Variants in SLIT1 observed in about 807,000 individuals in gnomAD.
SLIT1 encodes the protein slit guidance ligand 1.
In SLIT1, 66 loss-of-function variants were observed where a neutral mutation model predicts 186.1. That is an observed-to-expected ratio of 0.35 (90% CI 0.29 to 0.44). SLIT1 has a LOEUF of 0.44. Among genes scored for constraint, SLIT1 ranks in the 20% least tolerant of loss-of-function variants. SLIT1 has a pLI of 1.00. For synonymous variants in SLIT1, 761 were observed against 833.8 expected (o/e 0.91, Z 1.50); for missense variants, 1,638 against 2,037.4 (o/e 0.80, Z 3.77).
chr10:97,126,364 T>C (rs762267170), intron 4 of SLIT1, among the ~76,000 whole-genome samples: 1 of 152,122 alleles, frequency 6.6e-6, no homozygotes, highest in Non-Finnish European at 1.5e-5. Context: ...CCCACTGCTT[T>C]TTAGAGTAAC....
At chr10:97,059,423 C>A (rs749894396) in intron 11 of SLIT1, 37 bp downstream of exon 11, 1 of 1,575,532 alleles carries the variant, frequency 6.3e-7, no homozygotes, top group African/African-American at 1.3e-5. Flanking sequence ...CAGGGGATGC[C>A]CTGGGCCACT....
Position 97,019,087 on chromosome 10 carries a change from G to A in SLIT1, c.2767C>T (p.Gln923Ter). The change falls in exon 27 of 37, where the codon CAG becomes TAG. Residue 923 changes from glutamine to a stop codon, truncating the protein, a stop_gained. Transcript: ENST00000266058. LOFTEE classifies it high-confidence loss of function. ...GACAAGCAGAGATCACACTTGGCCT[G>A]GACAGCCAGCGTTGGAGGACCTGCA... ...ECQGPPTLAV[Q>*]AKCDLCLSSP... is the part of the protein sequence containing the mutation. 6.2e-7 allele frequency: 1 copy of A among 1,613,730 alleles called. No individual in the cohort carries two copies. Among genetic ancestry groups the A allele is most frequent in the Non-Finnish European group, 8.5e-7 (1 of 1,179,728 alleles).
intron 1 of SLIT1, among the ~76,000 whole-genome samples, chr10:97,182,863 C>T (rs1051477156): frequency 5.9e-5 from 9 of 152,186 alleles, no homozygotes; most frequent in African/African-American, 9.6e-5. Context: ...CTTATGCTCA[C>T]GCCTGTAATC....
chr10:97,148,341 T>C (rs1284712390), intron 4 of SLIT1, among the ~76,000 whole-genome samples: 1 of 151,454 alleles, frequency 6.6e-6, no homozygotes, highest in Non-Finnish European at 1.5e-5. Context: ...CAGACTGGAG[T>C]GCAGTGGCAC....
intron 25 of SLIT1, among the ~76,000 whole-genome samples, 195 bp downstream of exon 25, chr10:97,030,562 G>T (rs1341873539): frequency 2.6e-5 from 4 of 152,210 alleles, no homozygotes; most frequent in Non-Finnish European, 5.9e-5. Context: ...GCGAGGAACT[G>T]TTCTTCTACT....
chr10:97,041,789 A>G (rs1848693065), intron 20 of SLIT1, among the ~76,000 whole-genome samples: 2 of 152,076 alleles, frequency 1.3e-5, no homozygotes, highest in South Asian at 4.1e-4. Context: ...ACTTTTTTAA[A>G]TCCTCCTTCT....
At chr10:97,100,205 A>C (rs1260382585) in intron 4 of SLIT1, among the ~76,000 whole-genome samples, 1 of 152,168 alleles carries the variant, frequency 6.6e-6, no homozygotes, top group Non-Finnish European at 1.5e-5. Flanking sequence ...CCCCTTCCCA[A>C]GTCACTGAGC....
At chr10:97,134,314 C>G (rs910278643) in intron 4 of SLIT1, among the ~76,000 whole-genome samples, 3 of 152,174 alleles carry the variant, frequency 2.0e-5, no homozygotes, top group Non-Finnish European at 4.4e-5. Context: ...ATTCTACAGG[C>G]GTTATTGTGC....
intron 23 of SLIT1, 56 bp downstream of exon 23, chr10:97,034,415 G>C: frequency 8.1e-7 from 1 of 1,237,212 alleles, no homozygotes; most frequent in Non-Finnish European, 1.2e-6. Context: ...TGGGGCTAGG[G>C]AATGACTCAC....
rs1286670905 is a variant in SLIT1 at position 97,185,884 on chromosome 10, G to A, written c.-210C>T. On this transcript the variant is annotated 5_prime_UTR_variant, in exon 1 of 37. Transcript: ENST00000266058. ...AGGGAGGGCGCCTTGGGCGGAGGGG[G>A]CTCGGCTCCTCTGCCGTTTCGCCGC... 2.0e-6 allele frequency: 1 copy of A among 500,064 alleles called. No individual in the cohort carries two copies. The highest frequency in any genetic ancestry group is 3.5e-6 in the Non-Finnish European group (1 of 287,748). The allele number at this position is 500,064 out of a possible 1,614,324, so 31.0% of individuals were successfully genotyped here. A position where few individuals can be genotyped will look rare whatever the true frequency, so the allele number is the denominator to read the frequency against.
At chr10:97,020,642 C>T (rs375735412) in intron 26 of SLIT1, among the ~76,000 whole-genome samples, 10 of 152,254 alleles carry the variant, frequency 6.6e-5, no homozygotes, top group African/African-American at 1.4e-4. Flanking sequence ...CCGTGCTCCA[C>T]GGCCTCCAGT....
intron 4 of SLIT1, among the ~76,000 whole-genome samples, chr10:97,071,876 G>A (rs1849004099): frequency 6.6e-6 from 1 of 152,162 alleles, no homozygotes; most frequent in African/African-American, 2.4e-5. Flanking sequence ...ATAATTAATG[G>A]GGTTTGAGTG....
At chr10:97,036,427 T>C (rs1412011513) in intron 22 of SLIT1, among the ~76,000 whole-genome samples, 1 of 152,196 alleles carries the variant, frequency 6.6e-6, no homozygotes, top group East Asian at 1.9e-4. Context: ...GACAGATAAA[T>C]TGGAGCTTCA....
At chr10:97,065,001 A>C in intron 5 of SLIT1, 125 bp from the exon 6 acceptor site, 1 of 574,094 alleles carries the variant, frequency 1.7e-6, no homozygotes, top group Non-Finnish European at 3.0e-6. Context: ...TTATGTGTAT[A>C]TGTGTCAATC....
At chr10:97,097,866 C>A (rs1849307991) in intron 4 of SLIT1, among the ~76,000 whole-genome samples, 1 of 152,216 alleles carries the variant, frequency 6.6e-6, no homozygotes, top group African/African-American at 2.4e-5. Flanking sequence ...TACTTCTCTG[C>A]CATGCCCTAC....
At chr10:97,118,030 T>C (rs1849524336) in intron 4 of SLIT1, among the ~76,000 whole-genome samples, 1 of 152,190 alleles carries the variant, frequency 6.6e-6, no homozygotes, top group Admixed American at 6.5e-5. Context: ...TTCTCTAGTG[T>C]TTGAGCATGG....
intron 4 of SLIT1, chr10:97,154,431 G>C (rs764690706): frequency 1.3e-5 from 2 of 152,274 alleles, no homozygotes; most frequent in African/African-American, 2.4e-5. Context: ...ATGAGGTTAA[G>C]AAATGTCAAG....
At chr10:97,112,028 C>T (rs545422284) in intron 4 of SLIT1, among the ~76,000 whole-genome samples, 102 of 152,322 alleles carry the variant, frequency 6.7e-4, no homozygotes, top group African/African-American at 2.3e-3. Context: ...CACTCACACC[C>T]GCACCCTGAC....
intron 4 of SLIT1, among the ~76,000 whole-genome samples, chr10:97,101,684 C>G (rs2134671153): frequency 6.6e-6 from 1 of 152,356 alleles, no homozygotes; most frequent in East Asian, 1.9e-4. Flanking sequence ...CTGCACATGC[C>G]TCCTGGCCTC....
Sources: allele counts gnomAD v4.1 joint callset (sites outside exome capture counted in the v4.1 genomes callset), GRCh38; gene constraint gnomAD v4.1.1; transcripts MANE v1.5; gene names NCBI Gene and HGNC (gene_info 2026-07-23, HGNC 2026-07-21).